The following SLC25A42 variants were observed in gnomAD, a reference collection of about 807,000 sequenced individuals.
SLC25A42 encodes solute carrier family 25 member 42.
SLC25A42 carries 19 observed loss-of-function variants against 34.7 expected under a neutral mutation model. The observed-to-expected ratio is 0.55, with a 90% CI of 0.38 to 0.80. The LOEUF is 0.80. Among genes scored for constraint, SLC25A42 ranks in the 30% least tolerant of loss-of-function variants. The pLI, the probability that SLC25A42 is intolerant of heterozygous loss-of-function variation, is 0.00. For missense variants in SLC25A42, 364 were observed against 441.3 expected (o/e 0.82, Z 1.57); for synonymous variants, 205 against 191.2 (o/e 1.07, Z -0.59).
At chr19:19,078,901 G>C (rs2059668018) in intron 1 of SLC25A42, among the ~76,000 whole-genome samples, 1 of 152,086 alleles carries the variant, frequency 6.6e-6, no homozygotes, top group Non-Finnish European at 1.5e-5. Context: ...CCCCAGGCTG[G>C]AGTGCAGTGG....
intron 1 of SLC25A42, among the ~76,000 whole-genome samples, chr19:19,084,076 G>A (rs1381502318): frequency 3.8e-5 from 4 of 104,880 alleles, no homozygotes; most frequent in Admixed American, 1.8e-4. Context: ...CCACCCCAGT[G>A]TGCCCCTGCA....
At chr19:19,105,491 G>T (rs2059821058) in intron 4 of SLC25A42, 70 bp from the exon 5 acceptor site, 2 of 1,558,044 alleles carry the variant, frequency 1.3e-6, no homozygotes, top group Non-Finnish European at 1.7e-6. Context: ...TGGGCGCTCT[G>T]CTGGTCACAG....
At position 19,106,224 on chromosome 19, in the gene SLC25A42, C is replaced by T. The variant is rs1319665497; in HGVS notation, c.381-45C>T. ...TCCAGGCTGGGCCTCTGTGCATCTG[C>T]AACCCCCTCACTGCCGTCTCGCCTT... On this transcript the variant is annotated intron_variant, in intron 5 of 7. Transcript: ENST00000318596. The T allele has an allele frequency of 3.2e-6, 5 of 1,542,168 alleles. No individual in the cohort carries two copies. The East Asian group carries it at 9.1e-5, about 28-fold the overall frequency.
chr19:19,090,287 TG>T (rs2059731323), intron 1 of SLC25A42, among the ~76,000 whole-genome samples: 1 of 152,250 alleles, frequency 6.6e-6, no homozygotes, highest in Admixed American at 6.5e-5. Context: ...CCACCCCAAG[TG>T]GCCGCCCCAT....
In SLC25A42 at chr19:19,105,425, G is replaced by A; in HGVS notation, c.214-136G>A. On this transcript the variant is annotated intron_variant, in intron 4 of 7. Coordinates refer to ENST00000318596, the MANE Select transcript of SLC25A42 (RefSeq NM_178526.5). ...ATCGGGGTGGGGCCCTCACATGGGGGTGGGGTTATGTGCTGTGCATGGAGA... is the reference window on the plus strand; with the variant it reads ...ATCGGGGTGGGGCCCTCACATGGGGATGGGGTTATGTGCTGTGCATGGAGA... The A allele has an allele frequency of 1.8e-5, 18 of 1,001,064 alleles. No individual in the cohort carries two copies. The South Asian group carries it at 3.1e-4, about 17-fold the overall frequency. 62.0% of individuals were successfully genotyped at this position (1,001,064 alleles called of 1,614,324 possible). A position where few individuals can be genotyped will look rare whatever the true frequency, so the allele number is the denominator to read the frequency against.
chr19:19,106,435 C>A, intron 6 of SLC25A42, 50 bp downstream of exon 6: 2 of 1,475,384 alleles, frequency 1.4e-6, no homozygotes. Flanking sequence ...CTCTGTGTCT[C>A]GGGGGCTCCC....
intron 2 of SLC25A42, among the ~76,000 whole-genome samples, chr19:19,096,769 T>G (rs1414819714): frequency 6.6e-6 from 1 of 152,032 alleles, no homozygotes; most frequent in Non-Finnish European, 1.5e-5. Context: ...AAACCCCGTC[T>G]CTACTAAAAA....
intron 1 of SLC25A42, among the ~76,000 whole-genome samples, chr19:19,075,984 C>A (rs1361791344): frequency 6.6e-6 from 1 of 152,162 alleles, no homozygotes; most frequent in Non-Finnish European, 1.5e-5. Flanking sequence ...ATTACCTGAC[C>A]ATGGCCACCT....
At chr19:19,069,983 A>G (rs1422619873) in intron 1 of SLC25A42, among the ~76,000 whole-genome samples, 1 of 150,850 alleles carries the variant, frequency 6.6e-6, no homozygotes, top group African/African-American at 2.4e-5. Flanking sequence ...GCACCACCAC[A>G]TCCAGCTAAT....
At chr19:19,068,224 A>T (rs1221341556) in intron 1 of SLC25A42, among the ~76,000 whole-genome samples, 1 of 151,732 alleles carries the variant, frequency 6.6e-6, no homozygotes, top group African/African-American at 2.4e-5. Context: ...GCGTAGTGGC[A>T]TGCGCCTGTA....
intron 2 of SLC25A42, among the ~76,000 whole-genome samples, chr19:19,098,288 T>C (rs1018924731): frequency 6.6e-6 from 1 of 152,098 alleles, no homozygotes; most frequent in African/African-American, 2.4e-5. Flanking sequence ...TTTATGGACG[T>C]GTGTTCCTGA....
At chr19:19,075,213 C>T (rs2059650219) in intron 1 of SLC25A42, among the ~76,000 whole-genome samples, 2 of 152,074 alleles carry the variant, frequency 1.3e-5, no homozygotes, top group South Asian at 4.1e-4. Context: ...TGCTTGGAAC[C>T]AGTGTTCCCA....
Position 19,109,232 on chromosome 19 carries a change from T to C in SLC25A42, c.649+1187T>C, listed in dbSNP as rs1300624819. Among the ~76,000 whole-genome samples the C allele has an allele frequency of 6.6e-6, 1 of 152,194 alleles. No individual in the cohort carries two copies. The highest frequency in any genetic ancestry group is 1.5e-5 in the Non-Finnish European group (1 of 68,028). ...GGCTGCACAGTGGGCCTTACCTTCTTGGGGTGCCCTTTGGCTGTTGCCAGG... is the reference window on the plus strand; with the variant it reads ...GGCTGCACAGTGGGCCTTACCTTCTCGGGGTGCCCTTTGGCTGTTGCCAGG... On this transcript the variant is annotated intron_variant, in intron 7 of 7. Coordinates refer to ENST00000318596, the MANE Select transcript of SLC25A42 (RefSeq NM_178526.5). This position sits in a 1 kb window ranked among gnomAD's most constrained non-coding sequence, Gnocchi z 4.1.
intron 1 of SLC25A42, among the ~76,000 whole-genome samples, chr19:19,075,437 G>A (rs1415581975): frequency 3.9e-5 from 6 of 152,238 alleles, no homozygotes; most frequent in Admixed American, 3.9e-4. Context: ...ATTTGGGGCT[G>A]GCCCCCCTCT....
chr19:19,080,642 G>T (rs990418949), intron 1 of SLC25A42, among the ~76,000 whole-genome samples: 3 of 152,048 alleles, frequency 2.0e-5, no homozygotes, highest in Non-Finnish European at 4.4e-5. Flanking sequence ...AATTAAGGCT[G>T]GGCATGGTGG....
intron 1 of SLC25A42, among the ~76,000 whole-genome samples, chr19:19,080,341 A>G (rs1370310934): frequency 1.3e-5 from 2 of 152,128 alleles, no homozygotes; most frequent in African/African-American, 4.8e-5. Flanking sequence ...TTTTAGGGAT[A>G]AGGACAGCCC....
intron 1 of SLC25A42, chr19:19,095,883 G>C: frequency 1.6e-6 from 1 of 616,640 alleles, no homozygotes; most frequent in South Asian, 1.7e-5. Context: ...AAAAAGAACA[G>C]ACTGTTTGTG....
At chr19:19,068,281 G>A (rs1266558163) in intron 1 of SLC25A42, among the ~76,000 whole-genome samples, 1 of 151,852 alleles carries the variant, frequency 6.6e-6, no homozygotes, top group Non-Finnish European at 1.5e-5. Context: ...CTTGAACCCG[G>A]GAGTTGGAGG....
At chr19:19,096,259 A>AC (rs932463241) in intron 2 of SLC25A42, 54 bp downstream of exon 2, 39 of 1,112,894 alleles carry the variant, frequency 3.5e-5, no homozygotes, top group African/African-American at 3.3e-4. Flanking sequence ...CAGCCTCCCC[A>AC]CCCCCCCTCC....
Sources: gnomAD v4.1 joint callset for allele counts (sites outside exome capture counted in the v4.1 genomes callset) on GRCh38, gnomAD v4.1.1 for gene constraint, Gnocchi (gnomAD v3.1) non-coding constraint, MANE v1.5 for transcripts, NCBI Gene and HGNC (gene_info 2026-07-23, HGNC 2026-07-21) for gene names.